LRRC4C: variants seen among roughly 807,000 people sequenced by gnomAD.
LRRC4C encodes leucine rich repeat containing 4C.
Under a neutral mutation model 33.6 loss-of-function variants are expected in LRRC4C, and 5 were observed. The observed-to-expected ratio is 0.15, with a 90% confidence interval of 0.08 to 0.31. The LOEUF is 0.31. Among genes scored for constraint, LRRC4C ranks in the 10% least tolerant of loss-of-function variants. The pLI is 1.00. For synonymous variants in LRRC4C, 329 were observed against 302.0 expected (o/e 1.09, Z -0.93); for missense variants, 560 against 796.7 (o/e 0.70, Z 3.58).
At chr11:40,464,866 ATT>A (rs1288975821) in intron 3 of LRRC4C, among the ~76,000 whole-genome samples, 5 of 152,116 alleles carry the variant, frequency 3.3e-5, no homozygotes, top group Admixed American at 2.6e-4. Context: ...AAGAATCAAT[ATT>A]GTTAAAATTA....
intron 3 of LRRC4C, among the ~76,000 whole-genome samples, chr11:40,456,855 G>A (rs954627329): frequency 6.8e-6 from 1 of 147,792 alleles, no homozygotes; most frequent in Non-Finnish European, 1.5e-5. Flanking sequence ...AAGGAAGGAA[G>A]GAAGAGAGAG....
At chr11:40,826,930 G>A (rs1952191605) in intron 2 of LRRC4C, among the ~76,000 whole-genome samples, 1 of 152,014 alleles carries the variant, frequency 6.6e-6, no homozygotes, top group East Asian at 1.9e-4. Flanking sequence ...ACAGCAGAAA[G>A]ATAAAACTGA....
chr11:41,366,636 A>G (rs1211769059), intron 1 of LRRC4C, among the ~76,000 whole-genome samples: 1 of 152,174 alleles, frequency 6.6e-6, no homozygotes, highest in African/African-American at 2.4e-5. Context: ...CCAATATCTC[A>G]AAGAACATGA....
intron 5 of LRRC4C, among the ~76,000 whole-genome samples, chr11:40,238,531 T>A (rs576430993): frequency 6.6e-6 from 1 of 152,188 alleles, no homozygotes; most frequent in African/African-American, 2.4e-5. Flanking sequence ...TTTTAAAAAA[T>A]GGCTAAGCAC....
chr11:40,701,612 T>TATGTATAC (rs1332580675), intron 2 of LRRC4C, among the ~76,000 whole-genome samples: 6 of 149,142 alleles, frequency 4.0e-5, no homozygotes, highest in African/African-American at 1.2e-4. Flanking sequence ...ATATTTTATA[T>TATGTATAC]ATGTATACAT....
At chr11:40,256,880 C>T (rs1053249960) in intron 4 of LRRC4C, among the ~76,000 whole-genome samples, 5 of 152,154 alleles carry the variant, frequency 3.3e-5, no homozygotes, top group Non-Finnish European at 7.3e-5. Context: ...CAGCCAGAGT[C>T]ATTCATTCTC....
rs71060991 is a variant in LRRC4C at position 41,021,156 on chromosome 11, TGAGAGAGAGAGAGAGAGAGAGAGA to T, written c.-495-87457_-495-87434del. On this transcript the variant is annotated intron_variant, in intron 1 of 6. Transcript: ENST00000528697. ...GTTATTTTGTTCCCAATCGTGCATC[TGAGAGAGAGAGAGAGAGAGAGAGA>T]GAGAGAGAGAGAGAGAGAGAGAGAG... 3.2e-3 allele frequency among the ~76,000 whole-genome samples: 402 copies of T among 127,132 alleles called. 4 individuals carry two copies. The highest frequency in any genetic ancestry group is 0.012 in the Middle Eastern group (3 of 250). 83.4% of individuals were successfully genotyped at this position (127,132 alleles called of 152,430 possible). A position where few individuals can be genotyped will look rare whatever the true frequency, so the allele number is the denominator to read the frequency against.
intron 5 of LRRC4C, among the ~76,000 whole-genome samples, chr11:40,217,353 T>C (rs545005187): frequency 2.0e-5 from 3 of 152,202 alleles, no homozygotes; most frequent in South Asian, 2.1e-4. Flanking sequence ...AGCTAGTAAA[T>C]AGCAAAACCA....
chr11:40,867,685 C>T (rs543544390), intron 2 of LRRC4C, among the ~76,000 whole-genome samples: 1 of 151,480 alleles, frequency 6.6e-6, no homozygotes, highest in African/African-American at 2.5e-5. Context: ...TTATTCAGGG[C>T]CTTCCGTCAA....
intron 3 of LRRC4C, among the ~76,000 whole-genome samples, chr11:40,404,199 G>A (rs562191399): frequency 1.3e-5 from 2 of 152,194 alleles, no homozygotes; most frequent in East Asian, 1.9e-4. Flanking sequence ...AGGTGCCCTT[G>A]TCATACCATG....
At chr11:40,323,629 T>A (rs908949095) in intron 3 of LRRC4C, among the ~76,000 whole-genome samples, 4 of 152,212 alleles carry the variant, frequency 2.6e-5, no homozygotes, top group African/African-American at 9.6e-5. Context: ...TTGCCACAGA[T>A]TATTCTCATG....
intron 1 of LRRC4C, among the ~76,000 whole-genome samples, chr11:41,098,312 CT>C (rs1462115113): frequency 1.3e-5 from 2 of 152,058 alleles, no homozygotes; most frequent in Non-Finnish European, 2.9e-5. Flanking sequence ...TTTCTCAATT[CT>C]TTCATTGGTC....
chr11:41,417,267 G>T (rs1954717627), intron 1 of LRRC4C, among the ~76,000 whole-genome samples: 1 of 152,088 alleles, frequency 6.6e-6, no homozygotes, highest in African/African-American at 2.4e-5. Context: ...GATACTAGGA[G>T]AAGTTGTAGC....
intron 1 of LRRC4C, among the ~76,000 whole-genome samples, chr11:41,424,866 A>G (rs572102877): frequency 7.0e-4 from 107 of 152,180 alleles, no homozygotes; most frequent in African/African-American, 2.4e-3. Context: ...GAAAATTTAT[A>G]CAGATAGTAG....
At chr11:40,220,405 T>G (rs1243705753) in intron 5 of LRRC4C, among the ~76,000 whole-genome samples, 1 of 152,180 alleles carries the variant, frequency 6.6e-6, no homozygotes, top group African/African-American at 2.4e-5. Flanking sequence ...GTCAATCTAT[T>G]TGGTTTTATA....
At chr11:40,379,638 C>T (rs1424993510) in intron 3 of LRRC4C, among the ~76,000 whole-genome samples, 1 of 152,108 alleles carries the variant, frequency 6.6e-6, no homozygotes, top group South Asian at 2.1e-4. Context: ...TTTCTGATAT[C>T]CCCTTCTTTC....
intron 1 of LRRC4C, among the ~76,000 whole-genome samples, chr11:41,413,348 T>G (rs1205697360): frequency 6.6e-6 from 1 of 152,154 alleles, no homozygotes; most frequent in Non-Finnish European, 1.5e-5. Context: ...GTAATACCAA[T>G]TATGGGAGTT....
intron 2 of LRRC4C, among the ~76,000 whole-genome samples, chr11:40,849,303 G>A (rs1047243673): frequency 1.3e-5 from 2 of 152,176 alleles, no homozygotes; most frequent in South Asian, 4.1e-4. Context: ...CACATTTAGT[G>A]CTTCCTTCAG....
chr11:40,811,970 G>A (rs11036087), intron 2 of LRRC4C, among the ~76,000 whole-genome samples: 8,998 of 152,230 alleles, frequency 0.059, 322 homozygotes, highest in African/African-American at 0.11. Flanking sequence ...TCAGAATGCA[G>A]CCATTATTAT....
Sources: gnomAD v4.1 joint callset for allele counts (sites outside exome capture counted in the v4.1 genomes callset) on GRCh38, gnomAD v4.1.1 for gene constraint, MANE v1.5 for transcripts, NCBI Gene and HGNC (gene_info 2026-07-23, HGNC 2026-07-21) for gene names.